Variants in ABCB9 observed in about 807,000 individuals in gnomAD.
The protein encoded by ABCB9 is ABC-type oligopeptide transporter ABCB9.
In ABCB9, 36 loss-of-function variants were observed where a neutral mutation model predicts 62.0. The ratio of observed to expected loss-of-function variants is 0.58; its 90% CI spans 0.45 to 0.77. The LOEUF is 0.77. Ranked by LOEUF, ABCB9 falls within the 30% of genes least tolerant of loss-of-function variation. The pLI, the probability that ABCB9 is intolerant of heterozygous loss-of-function variation, is 0.00. For synonymous variants in ABCB9, 435 were observed against 461.4 expected (o/e 0.94, Z 0.73); for missense variants, 943 against 1,054.7 (o/e 0.89, Z 1.47).
At chr12:122,949,110 T>A (rs184357159) in intron 4 of ABCB9, 1 of 286,056 alleles carries the variant, frequency 3.5e-6, no homozygotes, top group Admixed American at 4.8e-5. Flanking sequence ...AGCCTGTCCG[T>A]GACTGAGCCA....
intron 1 of ABCB9, among the ~76,000 whole-genome samples, chr12:122,961,312 C>T (rs1266976926): frequency 6.6e-6 from 1 of 152,092 alleles, no homozygotes; most frequent in Non-Finnish European, 1.5e-5. Flanking sequence ...CTCAGCCCCC[C>T]AAGTAGCTGG....
At chr12:122,963,005 T>C (rs1280027697) in intron 1 of ABCB9, among the ~76,000 whole-genome samples, 1 of 152,198 alleles carries the variant, frequency 6.6e-6, no homozygotes, top group African/African-American at 2.4e-5. Flanking sequence ...TAGAAAATGC[T>C]ACCAGGGGCC....
At chr12:122,942,425 T>C (rs1040681883) in intron 7 of ABCB9, among the ~76,000 whole-genome samples, 3 of 139,808 alleles carry the variant, frequency 2.1e-5, no homozygotes, top group African/African-American at 3.3e-5. Flanking sequence ...CCATTTCTAC[T>C]GAAAATACAA....
intron 9 of ABCB9, chr12:122,939,698 A>AT: frequency 6.4e-6 from 1 of 155,944 alleles, no homozygotes; most frequent in Non-Finnish European, 1.4e-5. Context: ...CACCCGGCTA[A>AT]TTTTTGTATT....
intron 9 of ABCB9, chr12:122,939,613 C>A (rs2035636987): frequency 6.5e-6 from 1 of 153,056 alleles, no homozygotes; most frequent in African/African-American, 2.4e-5. Flanking sequence ...CTCACTGCAA[C>A]CTCTACCTCC....
chr12:122,927,335 C>A (rs903339256), downstream of ABCB9, among the ~76,000 whole-genome samples: 5 of 152,070 alleles, frequency 3.3e-5, no homozygotes, highest in Non-Finnish European at 5.9e-5. Context: ...ACACGCCCGG[C>A]TAATTTTTGT....
At position 122,959,875 on chromosome 12, in the gene ABCB9, C is replaced by A. The variant is rs3803002; in HGVS notation, c.361G>T (p.Val121Leu). Reference sequence around the variant, plus strand: ...GCGCCGAGTGAAATGTACGTCCACACGAACAGGGCCCAAAACCAGGGGTCC... The same window carrying A: ...GCGCCGAGTGAAATGTACGTCCACAAGAACAGGGCCCAAAACCAGGGGTCC... The part of the protein sequence containing the change: ...IRDPWFWALF[V>L]WTYISLGASF... The change falls in exon 2 of 12, where the codon GTG (valine) becomes TTG (leucine). Residue 121 changes from valine to leucine, a missense_variant. By Grantham distance (32) the Val-to-Leu change is conservative (BLOSUM62 1). Coordinates refer to ENST00000280560, the MANE Select transcript of ABCB9 (RefSeq NM_019625.4). This position sits in a 1 kb window ranked among gnomAD's most constrained non-coding sequence, Gnocchi z 5.4. 168 of 1,613,430 alleles carry A rather than the reference C, an allele frequency of 1.0e-4. No homozygotes were observed. The highest frequency in any genetic ancestry group is 1.4e-4 in the Non-Finnish European group (161 of 1,179,898).
downstream of ABCB9, chr12:122,920,860 G>T: frequency 1.6e-6 from 1 of 616,080 alleles, no homozygotes; most frequent in Non-Finnish European, 2.8e-6. Flanking sequence ...TTGCAGTGAG[G>T]TGAGATCGTA....
Position 122,959,821 on chromosome 12 carries a change from T to C in ABCB9, c.415A>G (p.Thr139Ala), listed in dbSNP as rs1194746050. Reference sequence around the variant, plus strand: ...AGGGCCTGGGTGCCTGGCCGCACGGTGGACAGCAGCCACCAGAGCAGGAAG... The same window carrying C: ...AGGGCCTGGGTGCCTGGCCGCACGGCGGACAGCAGCCACCAGAGCAGGAAG... ...ASFLLWWLLS[T>A]VRPGTQALEP... The change falls in exon 2 of 12, where the codon ACC becomes GCC. Residue 139 changes from threonine (T) to alanine (A), a missense_variant. Thr to Ala is a moderately conservative substitution (Grantham distance 58, BLOSUM62 0). Transcript: ENST00000280560. This position sits in a 1 kb window ranked among gnomAD's most constrained non-coding sequence, Gnocchi z 5.4. The C allele has an allele frequency of 9.3e-6, 15 of 1,612,600 alleles. No homozygotes were observed. Among genetic ancestry groups the C allele is most frequent in the African/African-American group, 2.7e-5 (2 of 74,886 alleles).
intron 2 of ABCB9, among the ~76,000 whole-genome samples, chr12:122,955,715 G>GTT (rs1345508865): frequency 2.8e-4 from 40 of 141,900 alleles, no homozygotes; most frequent in South Asian, 1.3e-3. Flanking sequence ...TTGTTTTTTT[G>GTT]TTTTTTTTTT....
At chr12:122,974,910 G>C (rs1220148798) in exon 1 of ABCB9, 1 of 205,366 alleles carries the variant, frequency 4.9e-6, no homozygotes, top group African/African-American at 2.3e-5. Flanking sequence ...CGGGCAGACG[G>C]CGGGGGGTGG....
chr12:122,938,256 G>A (rs1033487436), intron 9 of ABCB9, among the ~76,000 whole-genome samples: 3 of 152,292 alleles, frequency 2.0e-5, no homozygotes, highest in South Asian at 2.1e-4. Context: ...AAAACAGGCC[G>A]GGGGCAGAGG....
At chr12:122,925,618 G>A (rs1212527114), downstream of ABCB9, among the ~76,000 whole-genome samples, 1 of 152,112 alleles carries the variant, frequency 6.6e-6, no homozygotes, top group African/African-American at 2.4e-5. Context: ...TGTGGCGGTG[G>A]GCGCCTCTAG....
chr12:122,942,560 G>A (rs113369220), intron 7 of ABCB9, among the ~76,000 whole-genome samples: 6,491 of 150,658 alleles, frequency 0.043, 468 homozygotes, highest in African/African-American at 0.15. Flanking sequence ...CAGGGGTTGC[G>A]GTGAGCCAAG....
At position 122,946,024 on chromosome 12, in the gene ABCB9, C is replaced by T; in HGVS notation, c.1251+1G>A. On this transcript the variant is annotated splice_donor_variant, in intron 6 of 11. Transcript: ENST00000280560. LOFTEE classifies it high-confidence loss of function. The stretch of plus-strand genomic sequence containing the variant: ...AGAGCTGCCTGGCCAGGGGCACGTA[C>T]CCCGCTGCCCCAGACGTAGTACATG... 1 of 1,613,332 alleles carries T rather than the reference C, an allele frequency of 6.2e-7. No individual in the cohort carries two copies. The highest frequency in any genetic ancestry group is 1.1e-5 in the South Asian group (1 of 91,020).
In ABCB9 at chr12:122,944,778, C is replaced by A; in HGVS notation, c.1252-259G>T. ...CAAGGCTTTCTTTGTGAGGTCCTGG[C>A]ACACACATGCCACCCCCAGGCTCCT... On this transcript the variant is annotated intron_variant, in intron 6 of 11. Coordinates refer to ENST00000280560, the MANE Select transcript of ABCB9 (RefSeq NM_019625.4). This position sits in a 1 kb window ranked among gnomAD's most constrained non-coding sequence, Gnocchi z 4.9. 2.6e-6 allele frequency: 1 copy of A among 391,472 alleles called. No individual in the cohort carries two copies. Among genetic ancestry groups the A allele is most frequent in the East Asian group, 4.6e-5 (1 of 21,736 alleles). 24.2% of individuals were successfully genotyped at this position (391,472 alleles called of 1,614,324 possible).
Position 122,948,794 on chromosome 12 carries a change from T to C in ABCB9, c.883A>G (p.Met295Val), listed in dbSNP as rs2135853129. Residue 295 changes from methionine to valine, a missense_variant, in exon 5 of 12, where the codon ATG becomes GTG. Met to Val is a conservative substitution (Grantham distance 21). Coordinates refer to ENST00000280560, the MANE Select transcript of ABCB9 (RefSeq NM_019625.4). ...TTCTGGGAGACCAGGTCGCTGACCATGGTGGTGTCCGAGGTCAGGCGGGAG... is the reference window on the plus strand; with the variant it reads ...TTCTGGGAGACCAGGTCGCTGACCACGGTGGTGTCCGAGGTCAGGCGGGAG... Reference protein sequence around the residue: ...LISRLTSDTTMVSDLVSQNIN... With the variant: ...LISRLTSDTTVVSDLVSQNIN... The C allele has an allele frequency of 6.3e-7, 1 of 1,598,326 alleles. No homozygotes were observed. Among genetic ancestry groups the C allele is most frequent in the African/African-American group, 1.3e-5 (1 of 74,424 alleles).
intron 9 of ABCB9, among the ~76,000 whole-genome samples, chr12:122,937,976 G>A (rs1013959847): frequency 1.2e-4 from 19 of 152,176 alleles, no homozygotes; most frequent in African/African-American, 4.3e-4. Context: ...TACTGGAGAT[G>A]ACCTAAATGT....
chr12:122,918,834 AG>A (rs2034682854), downstream of ABCB9, among the ~76,000 whole-genome samples: 1 of 152,140 alleles, frequency 6.6e-6, no homozygotes, highest in African/African-American at 2.4e-5. Context: ...AGGTCTCTCC[AG>A]CTTCCAAACT....
Sources: gnomAD v4.1 joint callset for allele counts (sites outside exome capture counted in the v4.1 genomes callset) on GRCh38, gnomAD v4.1.1 for gene constraint, Gnocchi (gnomAD v3.1) non-coding constraint, MANE v1.5 for transcripts, NCBI Gene and HGNC (gene_info 2026-07-23, HGNC 2026-07-21) for gene names.